The following MACROD2 variants were observed in gnomAD, a reference collection of about 807,000 sequenced individuals.
MACROD2 encodes mono-ADP ribosylhydrolase 2.
Under a neutral mutation model 70.4 loss-of-function variants are expected in MACROD2, and 36 were observed. That is an observed-to-expected ratio of 0.51 (90% CI 0.39 to 0.68). The LOEUF (loss-of-function observed/expected upper bound fraction) is 0.68, where lower values mean the gene tolerates loss of function less well. Among genes scored for constraint, MACROD2 ranks in the 30% least tolerant of loss-of-function variants. MACROD2 has a pLI of 0.00. For synonymous variants in MACROD2, 172 were observed against 178.8 expected (o/e 0.96, Z 0.30); for missense variants, 496 against 538.4 (o/e 0.92, Z 0.78).
intron 4 of MACROD2, among the ~76,000 whole-genome samples, chr20:14,526,434 A>G (rs767825646): frequency 6.6e-6 from 1 of 152,198 alleles, no homozygotes; most frequent in African/African-American, 2.4e-5. Context: ...TTGTCTTTCA[A>G]AATTTCATTT....
chr20:14,136,386 T>C (rs960820842), intron 3 of MACROD2, among the ~76,000 whole-genome samples: 1 of 152,200 alleles, frequency 6.6e-6, no homozygotes, highest in African/African-American at 2.4e-5. Context: ...GACCTAGATG[T>C]AAATTCCAGA....
intron 5 of MACROD2, among the ~76,000 whole-genome samples, chr20:15,150,578 T>C (rs2076262143): frequency 6.6e-6 from 1 of 151,866 alleles, no homozygotes; most frequent in South Asian, 2.1e-4. Flanking sequence ...GGTATTGGCA[T>C]TGAGCGAGGT....
rs536374263 is a variant in MACROD2 at position 14,009,639 on chromosome 20, T to C, written c.163+7235T>C. 7.7e-4 allele frequency among the ~76,000 whole-genome samples: 117 copies of C among 152,178 alleles called. 1 individual carries two copies. Among genetic ancestry groups the C allele is most frequent in the Admixed American group, 2.4e-3 (37 of 15,284 alleles). ...GTGTATACACCCAAATGAATATAAA[T>C]CATTCTATTATAAAGATAATAAAAG... is the stretch of plus-strand genomic sequence containing the variant. On this transcript the variant is annotated intron_variant, in intron 2 of 17. Coordinates refer to ENST00000684519, the MANE Select transcript of MACROD2 (RefSeq NM_001351661.2).
chr20:15,648,064 C>T (rs567869914), intron 8 of MACROD2, among the ~76,000 whole-genome samples: 1 of 152,204 alleles, frequency 6.6e-6, no homozygotes, highest in South Asian at 2.1e-4. Flanking sequence ...TTGGCGTATG[C>T]ATGTGTCTAT....
chr20:14,308,616 C>T (rs2082540133), intron 3 of MACROD2, among the ~76,000 whole-genome samples: 1 of 152,090 alleles, frequency 6.6e-6, no homozygotes, highest in Admixed American at 6.6e-5. Context: ...CTTATACATG[C>T]AGTATGTTTT....
At chr20:15,610,848 C>T (rs910378179) in intron 8 of MACROD2, among the ~76,000 whole-genome samples, 61 of 152,120 alleles carry the variant, frequency 4.0e-4, no homozygotes, top group African/African-American at 1.4e-3. Flanking sequence ...AAAATAATTG[C>T]GTTTCTGGCC....
intron 5 of MACROD2, among the ~76,000 whole-genome samples, chr20:14,908,017 G>A (rs1255259746): frequency 2.0e-5 from 3 of 152,132 alleles, no homozygotes; most frequent in African/African-American, 7.2e-5. Flanking sequence ...ATGAGTCATT[G>A]ACAATTATTG....
In MACROD2 at chr20:15,233,085, T is replaced by G. The variant is rs1259367588; in HGVS notation, c.540+3024T>G. On this transcript the variant is annotated intron_variant, in intron 6 of 17. Coordinates refer to ENST00000684519, the MANE Select transcript of MACROD2 (RefSeq NM_001351661.2). ...ATGGACAAGATCATCATGTCCACTG[T>G]GTGATTTGAGAATACTCTGTAGTTC... Among the ~76,000 whole-genome samples the G allele has an allele frequency of 2.0e-5, 3 of 152,074 alleles. No homozygotes were observed. In the East Asian group the frequency reaches 5.8e-4, roughly 29 times the overall value.
intron 6 of MACROD2, among the ~76,000 whole-genome samples, chr20:15,428,121 A>G (rs1303507309): frequency 6.6e-6 from 1 of 152,170 alleles, no homozygotes; most frequent in African/African-American, 2.4e-5. Flanking sequence ...AGATATTACT[A>G]CTTCTCAGAC....
chr20:14,382,075 T>G (rs548523607), intron 3 of MACROD2, among the ~76,000 whole-genome samples: 2 of 151,026 alleles, frequency 1.3e-5, no homozygotes, highest in African/African-American at 4.9e-5. Context: ...TTTTTTTTTT[T>G]TTTTGAGATG....
At chr20:15,948,434 ATGGGCC>A in intron 12 of MACROD2, among the ~76,000 whole-genome samples, 3 of 150,216 alleles carry the variant, frequency 2.0e-5, no homozygotes, top group African/African-American at 7.3e-5. Context: ...AGAAAAGAAA[ATGGGCC>A]ACTTTTAATT....
At chr20:14,149,189 A>T (rs895107705) in intron 3 of MACROD2, among the ~76,000 whole-genome samples, 1 of 112,242 alleles carries the variant, frequency 8.9e-6, no homozygotes, top group African/African-American at 2.6e-5. Flanking sequence ...ATAAGTACCC[A>T]ATGTTTTTTT....
rs545895717 is a variant in MACROD2, at chr20:15,859,944, G to A, written c.646-2801G>A. 1.5e-4 allele frequency among the ~76,000 whole-genome samples: 23 copies of A among 152,158 alleles called. No homozygotes were observed. In the South Asian group the frequency reaches 3.9e-3, roughly 26 times the overall value. On this transcript the variant is annotated intron_variant, in intron 8 of 17. Coordinates refer to ENST00000684519, the MANE Select transcript of MACROD2 (RefSeq NM_001351661.2). Reference sequence around the variant, plus strand: ...AGGTCAGGAGATCGAGACCATCCTGGCTAACACGGTGAAACCCTGTCTCTA... The same window carrying A: ...AGGTCAGGAGATCGAGACCATCCTGACTAACACGGTGAAACCCTGTCTCTA...
At chr20:15,782,717 C>CA (rs11472322) in intron 8 of MACROD2, among the ~76,000 whole-genome samples, 3,258 of 83,136 alleles carry the variant, frequency 0.039, 128 homozygotes, top group South Asian at 0.082. Flanking sequence ...AGAGAAATGG[C>CA]AAAAAAAAAA....
At chr20:15,854,698 G>A (rs2147152404) in intron 8 of MACROD2, among the ~76,000 whole-genome samples, 1 of 152,296 alleles carries the variant, frequency 6.6e-6, no homozygotes, top group East Asian at 1.9e-4. Context: ...CTTGGTGGGA[G>A]AGGAGGGACT....
intron 6 of MACROD2, among the ~76,000 whole-genome samples, chr20:15,337,573 C>A (rs996962411): frequency 6.6e-6 from 1 of 151,590 alleles, no homozygotes; most frequent in Non-Finnish European, 1.5e-5. Flanking sequence ...GTTAATCAAG[C>A]TAAGGAATGC....
chr20:15,497,145 G>A (rs1447754069), intron 7 of MACROD2, among the ~76,000 whole-genome samples: 1 of 152,184 alleles, frequency 6.6e-6, no homozygotes, highest in African/African-American at 2.4e-5. Context: ...GTTTTAGGTA[G>A]GAGCATGTAT....
intron 8 of MACROD2, among the ~76,000 whole-genome samples, chr20:15,592,095 G>T (rs1313213246): frequency 6.6e-6 from 1 of 152,184 alleles, no homozygotes; most frequent in South Asian, 2.1e-4. Flanking sequence ...CCTGGCATTT[G>T]CTACTCGGTA....
intron 8 of MACROD2, among the ~76,000 whole-genome samples, chr20:15,623,923 AT>A (rs1264054480): frequency 6.6e-6 from 1 of 152,190 alleles, no homozygotes; most frequent in African/African-American, 2.4e-5. Context: ...ATGGATACAT[AT>A]CTATATATGA....
Sources: allele counts gnomAD v4.1 joint callset (sites outside exome capture counted in the v4.1 genomes callset), GRCh38; gene constraint gnomAD v4.1.1; transcripts MANE v1.5; gene names NCBI Gene and HGNC (gene_info 2026-07-23, HGNC 2026-07-21).